Variants in CHIA observed in about 807,000 individuals in gnomAD.
CHIA encodes acidic mammalian chitinase.
Under a neutral mutation model 53.5 loss-of-function variants are expected in CHIA, and 47 were observed. The observed-to-expected ratio is 0.88, with a 90% confidence interval of 0.70 to 1.12. The LOEUF (loss-of-function observed/expected upper bound fraction) is 1.12. Ranked by LOEUF, CHIA falls within the 50% of genes most tolerant of loss-of-function variation. The probability of loss-of-function intolerance (pLI) is 0.00; values close to 1 mark genes in which losing one functional copy is unlikely to be tolerated. For synonymous variants in CHIA, 268 were observed against 222.2 expected (o/e 1.21, Z -1.83); for missense variants, 652 against 592.2 (o/e 1.10, Z -1.05).
intron 4 of CHIA, among the ~76,000 whole-genome samples, chr1:111,313,491 A>G (rs1648876324): frequency 6.6e-6 from 1 of 151,966 alleles, no homozygotes. Flanking sequence ...TTTTTTAATC[A>G]GGTTATTTGG....
Position 111,300,715 on chromosome 1 carries a change from G to A in CHIA, c.-68-9685G>A, listed in dbSNP as rs1048416337. 3.9e-5 allele frequency among the ~76,000 whole-genome samples: 6 copies of A among 152,222 alleles called. No individual in the cohort carries two copies. The East Asian group carries it at 9.6e-4, about 24-fold the overall frequency. ...AAACACCAAAGGAATGCCAACAAAA[G>A]CCAAAATAGACCAATGGGATCTAAT... On this transcript the variant is annotated intron_variant, in intron 1 of 11. Transcript: ENST00000369740.
chr1:111,318,568 C>T lies in CHIA; in HGVS notation c.805C>T (p.His269Tyr), dbSNP rs772367609. 1.2e-5 allele frequency: 20 copies of T among 1,614,190 alleles called. No individual in the cohort carries two copies. Among genetic ancestry groups the T allele is most frequent in the Admixed American group, 1.7e-5 (1 of 60,030 alleles). Residue 269 changes from histidine to tyrosine, a missense_variant, in exon 9 of 12, where the codon CAC (histidine) becomes TAC (tyrosine). Coordinates refer to ENST00000369740, the MANE Select transcript of CHIA (RefSeq NM_201653.4). ...KLIVGFPTYGHNFILSNPSNT... is the reference protein window; with the variant it reads ...KLIVGFPTYGYNFILSNPSNT... ...CATCGTTGGATTCCCTACCTATGGA[C>T]ACAACTTCATCCTGAGCAACCCCTC... is the stretch of plus-strand genomic sequence containing the variant.
At chr1:111,319,964 T>C (rs991651038) in intron 11 of CHIA, among the ~76,000 whole-genome samples, 3 of 152,248 alleles carry the variant, frequency 2.0e-5, no homozygotes, top group Non-Finnish European at 4.4e-5. Flanking sequence ...TTAGTAAATT[T>C]TTTTTTGAAT....
chr1:111,303,679 A>T (rs1003306199), intron 1 of CHIA, among the ~76,000 whole-genome samples: 1 of 152,156 alleles, frequency 6.6e-6, no homozygotes, highest in Non-Finnish European at 1.5e-5. Context: ...ATAAAATACT[A>T]TCTTTATACA....
intron 1 of CHIA, among the ~76,000 whole-genome samples, chr1:111,297,920 A>C (rs1647329763): frequency 6.7e-6 from 1 of 149,428 alleles, no homozygotes; most frequent in Non-Finnish European, 1.5e-5. Flanking sequence ...AAAAAAAAAA[A>C]AAAAACAAGC....
chr1:111,311,315 C>T (rs781492216), intron 2 of CHIA, among the ~76,000 whole-genome samples: 1 of 152,324 alleles, frequency 6.6e-6, no homozygotes, highest in South Asian at 2.1e-4. Context: ...TAGCAGATGC[C>T]TTATCTGTTG....
intron 1 of CHIA, among the ~76,000 whole-genome samples, chr1:111,309,221 T>C (rs1648468770): frequency 6.6e-6 from 1 of 152,208 alleles, no homozygotes; most frequent in Non-Finnish European, 1.5e-5. Flanking sequence ...TATTAGACTT[T>C]CTCTGGTTCT....
intron 7 of CHIA, 54 bp downstream of exon 7, chr1:111,317,859 G>C: frequency 6.2e-7 from 1 of 1,612,160 alleles, no homozygotes; most frequent in East Asian, 2.2e-5. Context: ...GGGCACACTA[G>C]ACTTGTCCTT....
chr1:111,319,454 G>A lies in CHIA; in HGVS notation c.1163G>A (p.Gly388Asp), dbSNP rs1048154802. The A allele has an allele frequency of 6.2e-7, 1 of 1,613,778 alleles. No homozygotes were observed. The highest frequency in any genetic ancestry group is 1.3e-5 in the African/African-American group (1 of 74,900). The change falls in exon 11 of 12, where the codon GGC (glycine) becomes GAC (aspartate). Residue 388 changes from glycine (G) to aspartate (D), a missense_variant. Physicochemically the swap from Gly to Asp is moderately conservative, Grantham distance 94. Transcript: ENST00000369740. ...PLISTLKKAL[G>D]LQSASCTAPA... Reference sequence around the variant, plus strand: ...ATCTCCACCCTGAAGAAGGCCCTCGGCCTGCAGAGTGCAAGTAAGTGACTG... The same window carrying A: ...ATCTCCACCCTGAAGAAGGCCCTCGACCTGCAGAGTGCAAGTAAGTGACTG...
At position 111,318,017 on chromosome 1, in the gene CHIA, G is replaced by C; in HGVS notation, c.637G>C (p.Asp213His). The change falls in exon 8 of 12, where the codon GAC becomes CAC. Residue 213 changes from aspartate (D) to histidine (H), a missense_variant. Physicochemically the swap from Asp to His is moderately conservative, Grantham distance 81. Transcript: ENST00000369740. Reference sequence around the variant, plus strand: ...GGACTACATCCATGTCATGACCTACGACCTCCATGGCTCCTGGGAGGGCTA... The same window carrying C: ...GGACTACATCCATGTCATGACCTACCACCTCCATGGCTCCTGGGAGGGCTA... ...YLDYIHVMTY[D>H]LHGSWEGYTG... is the part of the protein sequence containing the mutation. 1 of 1,614,060 alleles carries C rather than the reference G, an allele frequency of 6.2e-7. No individual in the cohort carries two copies. Among genetic ancestry groups the C allele is most frequent in the Non-Finnish European group, 8.5e-7 (1 of 1,180,014 alleles).
chr1:111,314,342 C>A, intron 4 of CHIA, among the ~76,000 whole-genome samples, 198 bp from the exon 5 acceptor site: 1 of 152,146 alleles, frequency 6.6e-6, no homozygotes, highest in Non-Finnish European at 1.5e-5. Context: ...TTTAGATTTC[C>A]CTAGGGAACC....
At chr1:111,298,872 T>A (rs1571267415) in intron 1 of CHIA, among the ~76,000 whole-genome samples, 1 of 151,144 alleles carries the variant, frequency 6.6e-6, no homozygotes, top group East Asian at 1.9e-4. Flanking sequence ...GAAAGAAGAA[T>A]CAAATAGATG....
intron 1 of CHIA, among the ~76,000 whole-genome samples, chr1:111,302,847 A>G (rs1403164475): frequency 6.6e-6 from 1 of 152,068 alleles, no homozygotes; most frequent in Non-Finnish European, 1.5e-5. Context: ...AGAACGGGCT[A>G]TTGAAGTTTC....
intron 1 of CHIA, among the ~76,000 whole-genome samples, chr1:111,306,159 A>G (rs1185248422): frequency 6.6e-6 from 1 of 152,200 alleles, no homozygotes; most frequent in Admixed American, 6.5e-5. Flanking sequence ...TTCCAATGTT[A>G]TTCCATGTAA....
intron 6 of CHIA, 119 bp from the exon 7 acceptor site, chr1:111,317,562 T>C: frequency 8.6e-7 from 1 of 1,161,988 alleles, no homozygotes; most frequent in East Asian, 2.5e-5. Flanking sequence ...TAAAGTAAAA[T>C]AAAATATGTG....
At chr1:111,317,482 T>C (rs1378048791) in intron 6 of CHIA, 199 bp from the exon 7 acceptor site, 6 of 558,928 alleles carry the variant, frequency 1.1e-5, no homozygotes, top group Non-Finnish European at 1.8e-5. Context: ...CTAACTCTTA[T>C]GCATATTAGA....
intron 1 of CHIA, 61 bp downstream of exon 1, chr1:111,291,011 A>G (rs1660980827): frequency 2.7e-6 from 1 of 364,424 alleles, no homozygotes; most frequent in Admixed American, 3.9e-5. Context: ...TTTGATTGTT[A>G]TATCAATTTG....
At chr1:111,315,576 G>T (rs1475760110) in intron 6 of CHIA, 141 bp downstream of exon 6, 1 of 881,622 alleles carries the variant, frequency 1.1e-6, no homozygotes, top group South Asian at 1.8e-5. Context: ...TATATATCGT[G>T]CGTTCATTAA....
intron 2 of CHIA, among the ~76,000 whole-genome samples, chr1:111,310,714 A>G (rs1259791101): frequency 6.6e-6 from 1 of 152,204 alleles, no homozygotes; most frequent in Non-Finnish European, 1.5e-5. Context: ...TGTTAATCCC[A>G]TGGACCTGGT....
Sources: gnomAD v4.1 joint callset for allele counts (sites outside exome capture counted in the v4.1 genomes callset) on GRCh38, gnomAD v4.1.1 for gene constraint, MANE v1.5 for transcripts, NCBI Gene and HGNC (gene_info 2026-07-23, HGNC 2026-07-21) for gene names.